Variants in PRKDC observed in about 807,000 individuals in gnomAD.
The protein encoded by PRKDC is DNA-dependent protein kinase catalytic subunit.
In PRKDC, 82 loss-of-function variants were observed where a neutral mutation model predicts 486.9. That is an observed-to-expected ratio of 0.17 (90% CI 0.14 to 0.20). The LOEUF is 0.20. Ranked by LOEUF, PRKDC falls within the 10% of genes least tolerant of loss-of-function variation. The pLI, the probability that PRKDC is intolerant of heterozygous loss-of-function variation, is 1.00. For missense variants in PRKDC, 4,504 were observed against 5,038.2 expected (o/e 0.89, Z 3.21); for synonymous variants, 1,895 against 1,837.0 (o/e 1.03, Z -0.81).
chr8:47,896,422 T>A (rs896075818), intron 30 of PRKDC, among the ~76,000 whole-genome samples: 1 of 151,466 alleles, frequency 6.6e-6, no homozygotes, highest in African/African-American at 2.4e-5. Context: ...CCAAGGCGGG[T>A]GGATCACGAG....
chr8:47,846,730 T>C (rs888851679), intron 54 of PRKDC, among the ~76,000 whole-genome samples: 24 of 152,228 alleles, frequency 1.6e-4, no homozygotes, highest in African/African-American at 5.5e-4. Flanking sequence ...TCTTCTCTGA[T>C]GGTATGATTC....
chr8:47,860,107 A>T (rs2088641871), intron 45 of PRKDC, among the ~76,000 whole-genome samples: 1 of 152,250 alleles, frequency 6.6e-6, no homozygotes, highest in South Asian at 2.1e-4. Context: ...TACCACTGAA[A>T]AGCAGCTAAT....
chr8:47,868,128 C>T (rs554244443), intron 40 of PRKDC, among the ~76,000 whole-genome samples: 61 of 152,226 alleles, frequency 4.0e-4, no homozygotes, highest in Non-Finnish European at 6.8e-4. Flanking sequence ...ATGAAGGATA[C>T]TTACTGGTCT....
chr8:47,908,396 TGTTG>T (rs978340828), intron 25 of PRKDC, among the ~76,000 whole-genome samples: 1 of 152,230 alleles, frequency 6.6e-6, no homozygotes, highest in African/African-American at 2.4e-5. Flanking sequence ...CATGTTACAA[TGTTG>T]GTTTTGTGCC....
chr8:47,932,105 A>T (rs1368388481), intron 16 of PRKDC, among the ~76,000 whole-genome samples: 1 of 148,850 alleles, frequency 6.7e-6, no homozygotes, highest in Non-Finnish European at 1.5e-5. Context: ...TTGTTTTGAG[A>T]CAGAGTCTCG....
chr8:47,912,199 G>A (rs1228987500), intron 25 of PRKDC, among the ~76,000 whole-genome samples: 2 of 152,098 alleles, frequency 1.3e-5, no homozygotes, highest in South Asian at 2.1e-4. Flanking sequence ...CCCAAACTCC[G>A]AGACACACTG....
In PRKDC at chr8:47,852,784, T is replaced by C; in HGVS notation, c.6894A>G (p.Glu2298=). ...YDPQCGIQSS[E]YFQALVNNMS... Reference sequence around the variant, plus strand: ...TATTATTCACCAAAGCCTGGAAGTATCTACAATAAACACAGAAAAGACATA... The same window carrying C: ...TATTATTCACCAAAGCCTGGAAGTACCTACAATAAACACAGAAAAGACATA... Residue 2298 remains glutamate (E), a splice_region_variant and synonymous_variant, in exon 52 of 86, where the codon GAA becomes GAG. Transcript: ENST00000314191. The C allele has an allele frequency of 6.5e-7, 1 of 1,543,816 alleles. No homozygotes were observed. Among genetic ancestry groups the C allele is most frequent in the Non-Finnish European group, 8.8e-7 (1 of 1,137,158 alleles).
At chr8:47,808,670 AC>A (rs2087263925) in intron 68 of PRKDC, among the ~76,000 whole-genome samples, 1 of 152,154 alleles carries the variant, frequency 6.6e-6, no homozygotes, top group Non-Finnish European at 1.5e-5. Flanking sequence ...ATCATAATTT[AC>A]ATGTATGATT....
At position 47,893,375 on chromosome 8, in the gene PRKDC, G is replaced by A. The variant is rs1230232267; in HGVS notation, c.3611C>T (p.Pro1204Leu). The change falls in exon 31 of 86, where the codon CCT becomes CTT. Residue 1204 changes from proline (P) to leucine (L), a missense_variant. Pro to Leu is a moderately conservative substitution (Grantham distance 98). Coordinates refer to ENST00000314191, the MANE Select transcript of PRKDC (RefSeq NM_006904.7). ...FVPLLPGNRS[P>L]NLWLKDVLKE... is the part of the protein sequence containing the mutation. ...GAGAACATCTTTCAGCCACAAATTA[G>A]GGGATCTGTTGCCTTTAAAAAGAAA... 3 of 1,531,726 alleles carry A rather than the reference G, an allele frequency of 2.0e-6. No homozygotes were observed. The highest frequency in any genetic ancestry group is 1.4e-5 in the African/African-American group (1 of 72,744). The allele number at this position is 1,531,726 out of a possible 1,614,324, so 94.9% of individuals were successfully genotyped here.
At chr8:47,786,854 TG>T (rs1375568216) in intron 76 of PRKDC, among the ~76,000 whole-genome samples, 2 of 145,524 alleles carry the variant, frequency 1.4e-5, no homozygotes, top group African/African-American at 5.1e-5. Context: ...CTCACCCTCC[TG>T]AGTAGCTGGG....
At chr8:47,925,251 T>C (rs562413710) in intron 21 of PRKDC, among the ~76,000 whole-genome samples, 1 of 152,180 alleles carries the variant, frequency 6.6e-6, no homozygotes, top group South Asian at 2.1e-4. Flanking sequence ...CACAAAAAGA[T>C]GATGCAAACA....
Position 47,779,086 on chromosome 8 carries a change from T to C in PRKDC, c.11497A>G (p.Arg3833Gly), listed in dbSNP as rs2086656579. The C allele has an allele frequency of 1.3e-6, 2 of 1,590,128 alleles. No homozygotes were observed. Among genetic ancestry groups the C allele is most frequent in the East Asian group, 2.2e-5 (1 of 44,538 alleles). Residue 3833 changes from arginine (R) to glycine (G), a missense_variant, in exon 81 of 86, where the codon AGG becomes GGG. Coordinates refer to ENST00000314191, the MANE Select transcript of PRKDC (RefSeq NM_006904.7). ...EEKAAYLSDP[R>G]APPCEYKDWL... ...TCTTTATATTCACACGGCGGTGCCC[T>C]GGGATCACTAATGAGTGAGAAAAGG... is the stretch of plus-strand genomic sequence containing the variant.
intron 68 of PRKDC, among the ~76,000 whole-genome samples, chr8:47,814,573 T>A (rs1038697600): frequency 1.3e-5 from 2 of 151,982 alleles, no homozygotes; most frequent in African/African-American, 4.8e-5. Context: ...TAAAAATAAA[T>A]CCATCTATAA....
At chr8:47,859,853 C>A in intron 45 of PRKDC, 94 bp from the exon 46 acceptor site, 1 of 1,256,522 alleles carries the variant, frequency 8.0e-7, no homozygotes, top group Non-Finnish European at 1.1e-6. Context: ...AATTAAAGCA[C>A]ATTTTAATCT....
At chr8:47,790,459 T>C (rs1366191927) in intron 74 of PRKDC, among the ~76,000 whole-genome samples, 2 of 152,174 alleles carry the variant, frequency 1.3e-5, no homozygotes, top group Non-Finnish European at 2.9e-5. Flanking sequence ...GAAGAATCAA[T>C]ACTGTTAAAT....
chr8:47,795,190 CTT>C (rs34711098), intron 73 of PRKDC, among the ~76,000 whole-genome samples: 5 of 105,330 alleles, frequency 4.7e-5, no homozygotes, highest in Non-Finnish European at 5.9e-5. Flanking sequence ...CTGGCCAACT[CTT>C]TTTTTTTTTT....
At chr8:47,903,850 C>G (rs576855090) in intron 26 of PRKDC, among the ~76,000 whole-genome samples, 18 of 152,082 alleles carry the variant, frequency 1.2e-4, no homozygotes, top group Non-Finnish European at 2.4e-4. Context: ...TTAACTTTAG[C>G]TAACTGTATT....
intron 13 of PRKDC, 111 bp from the exon 14 acceptor site, chr8:47,935,169 A>C (rs1000799814): frequency 1.3e-6 from 1 of 758,954 alleles, no homozygotes; most frequent in Non-Finnish European, 2.1e-6. Flanking sequence ...TTACCTCTCA[A>C]TTTATTTTCT....
intron 68 of PRKDC, among the ~76,000 whole-genome samples, chr8:47,812,296 A>C (rs1034838602): frequency 1.3e-5 from 2 of 152,230 alleles, no homozygotes; most frequent in Non-Finnish European, 2.9e-5. Context: ...ATTGAAATTT[A>C]TAAAACCTGA....
Sources: gnomAD v4.1 joint callset for allele counts (sites outside exome capture counted in the v4.1 genomes callset) on GRCh38, gnomAD v4.1.1 for gene constraint, MANE v1.5 for transcripts, NCBI Gene and HGNC (gene_info 2026-07-23, HGNC 2026-07-21) for gene names.